The following ZNF804B variants were observed in gnomAD, a reference collection of about 807,000 sequenced individuals.
The protein encoded by ZNF804B is zinc finger 804B.
A neutral mutation model predicts 101.4 loss-of-function variants in ZNF804B; 80 were observed. The ratio of observed to expected loss-of-function variants is 0.79; its 90% confidence interval spans 0.66 to 0.95. The LOEUF is 0.95. ZNF804B is among the 40% of genes least tolerant of loss of function. The pLI is 0.00. For missense variants in ZNF804B, 1,673 were observed against 1,561.9 expected (o/e 1.07, Z -1.20); for synonymous variants, 622 against 558.8 (o/e 1.11, Z -1.59).
chr7:89,293,168 A>G (rs1437002131), intron 2 of ZNF804B, among the ~76,000 whole-genome samples: 1 of 151,926 alleles, frequency 6.6e-6, no homozygotes, highest in Non-Finnish European at 1.5e-5. Context: ...TATTCATTCT[A>G]CAGTTACCCA....
At chr7:89,046,746 T>A (rs1789114095) in intron 1 of ZNF804B, among the ~76,000 whole-genome samples, 1 of 152,172 alleles carries the variant, frequency 6.6e-6, no homozygotes, top group Admixed American at 6.5e-5. Flanking sequence ...GTTACTCATA[T>A]AGTTTCTGGT....
In ZNF804B at chr7:88,952,512, G is replaced by A. The variant is rs1158981042; in HGVS notation, c.108+192428G>A. On this transcript the variant is annotated intron_variant, in intron 1 of 3. Coordinates refer to ENST00000333190, the MANE Select transcript of ZNF804B (RefSeq NM_181646.5). ...TCTTATCTGTTAAAATATCTTTTAT[G>A]TTTTAGTACTTTGATATAGCTGATT... Among the ~76,000 whole-genome samples the A allele has an allele frequency of 2.0e-5, 3 of 151,718 alleles. No individual in the cohort carries two copies. The East Asian group carries it at 5.9e-4, about 30-fold the overall frequency.
At position 88,796,219 on chromosome 7, in the gene ZNF804B, C is replaced by T. The variant is rs565898045; in HGVS notation, c.108+36135C>T. On this transcript the variant is annotated intron_variant, in intron 1 of 3. Coordinates refer to ENST00000333190, the MANE Select transcript of ZNF804B (RefSeq NM_181646.5). ...GTAATTTTAAAACAAGTTTAAAAAACGTTTATTCAATTTTTAACAATGAAA... is the reference window on the plus strand; with the variant it reads ...GTAATTTTAAAACAAGTTTAAAAAATGTTTATTCAATTTTTAACAATGAAA... Among the ~76,000 whole-genome samples the T allele has an allele frequency of 1.4e-4, 22 of 152,056 alleles. No individual in the cohort carries two copies. In the East Asian group the frequency reaches 1.9e-3, roughly 13 times the overall value.
chr7:89,257,231 TGG>T (rs1789645613), intron 2 of ZNF804B, among the ~76,000 whole-genome samples: 1 of 152,180 alleles, frequency 6.6e-6, no homozygotes, highest in Non-Finnish European at 1.5e-5. Context: ...GACTAAATAC[TGG>T]AGTCAATTTC....
At chr7:89,000,626 A>G (rs933189047) in intron 1 of ZNF804B, among the ~76,000 whole-genome samples, 1 of 151,674 alleles carries the variant, frequency 6.6e-6, no homozygotes, top group African/African-American at 2.4e-5. Context: ...CTCTTTGACC[A>G]TCTCCCTTTT....
chr7:89,059,066 C>G (rs996011526), intron 1 of ZNF804B, among the ~76,000 whole-genome samples: 3 of 152,166 alleles, frequency 2.0e-5, no homozygotes, highest in African/African-American at 7.2e-5. Context: ...TGTATTGAGA[C>G]TGTACTCATG....
chr7:89,165,487 T>G (rs1791128606), intron 1 of ZNF804B, among the ~76,000 whole-genome samples: 1 of 152,068 alleles, frequency 6.6e-6, no homozygotes. Flanking sequence ...ATGAGAAAGC[T>G]TTTTTGGCAC....
intron 1 of ZNF804B, among the ~76,000 whole-genome samples, chr7:88,953,413 TG>T (rs1933749874): frequency 6.6e-6 from 1 of 151,806 alleles, no homozygotes; most frequent in African/African-American, 2.4e-5. Flanking sequence ...CCTATCTTTT[TG>T]TTTGACCCCA....
intron 1 of ZNF804B, among the ~76,000 whole-genome samples, chr7:88,840,652 G>A (rs1250871137): frequency 6.6e-6 from 1 of 151,964 alleles, no homozygotes; most frequent in African/African-American, 2.4e-5. Flanking sequence ...TAACTTTTCC[G>A]GGATAGTTTT....
intron 1 of ZNF804B, among the ~76,000 whole-genome samples, chr7:89,091,419 C>T (rs2116325936): frequency 6.6e-6 from 1 of 151,938 alleles, no homozygotes; most frequent in South Asian, 2.1e-4. Context: ...TTAGATTTGC[C>T]TCAATTTCTT....
At chr7:89,152,649 G>A (rs896266789) in intron 1 of ZNF804B, among the ~76,000 whole-genome samples, 7 of 151,800 alleles carry the variant, frequency 4.6e-5, no homozygotes, top group Non-Finnish European at 7.4e-5. Flanking sequence ...AATCATACAT[G>A]GTTTTATCAG....
At position 89,335,254 on chromosome 7, in the gene ZNF804B, C is replaced by G. The variant is rs763870200; in HGVS notation, c.2272C>G (p.Leu758Val). The G allele has an allele frequency of 3.7e-6, 6 of 1,613,736 alleles. No homozygotes were observed. In the South Asian group the frequency reaches 5.5e-5, roughly 15 times the overall value. ...AGTTGAAAGGCACAAACGGAAATGT[C>G]TAAAGCACAACTGCTTCTACTTGTC... ...HSVERHKRKCLKHNCFYLSDD... is the reference protein window; with the variant it reads ...HSVERHKRKCVKHNCFYLSDD... The change falls in exon 4 of 4, where the codon CTA (leucine) becomes GTA (valine). Residue 758 changes from leucine to valine, a missense_variant. By Grantham distance (32) the Leu-to-Val change is conservative. Transcript: ENST00000333190.
At chr7:88,945,547 T>C (rs1350549371) in intron 1 of ZNF804B, among the ~76,000 whole-genome samples, 1 of 152,058 alleles carries the variant, frequency 6.6e-6, no homozygotes, top group Non-Finnish European at 1.5e-5. Flanking sequence ...TTGTTCTTTT[T>C]GCTGAGGATT....
rs185944190 is a variant in ZNF804B, at chr7:88,933,639, C to T, written c.108+173555C>T. Reference sequence around the variant, plus strand: ...AATCAGTAGCACTGCTTTACACCAACAGTGACCAAGCTGAGTATCAAATCA... The same window carrying T: ...AATCAGTAGCACTGCTTTACACCAATAGTGACCAAGCTGAGTATCAAATCA... On this transcript the variant is annotated intron_variant, in intron 1 of 3. Coordinates refer to ENST00000333190, the MANE Select transcript of ZNF804B (RefSeq NM_181646.5). 4.6e-5 allele frequency among the ~76,000 whole-genome samples: 7 copies of T among 152,052 alleles called. No individual in the cohort carries two copies. In the East Asian group the frequency reaches 1.4e-3, roughly 29 times the overall value.
intron 2 of ZNF804B, among the ~76,000 whole-genome samples, chr7:89,221,506 TG>T (rs1197177379): frequency 9.9e-5 from 15 of 151,956 alleles, no homozygotes; most frequent in Admixed American, 4.6e-4. Context: ...TCGAAGAGCA[TG>T]AGGCATCTTT....
At chr7:89,193,315 T>A (rs979915018) in intron 1 of ZNF804B, among the ~76,000 whole-genome samples, 25 of 151,758 alleles carry the variant, frequency 1.6e-4, no homozygotes, top group Non-Finnish European at 3.1e-4. Context: ...TATTTTTTTT[T>A]ATTCGTATTA....
At chr7:89,106,421 C>T (rs536192318) in intron 1 of ZNF804B, among the ~76,000 whole-genome samples, 1 of 152,054 alleles carries the variant, frequency 6.6e-6, no homozygotes, top group South Asian at 2.1e-4. Context: ...GTGCTAGATC[C>T]TCTGTGTTTT....
intron 2 of ZNF804B, among the ~76,000 whole-genome samples, chr7:89,265,698 A>G (rs1393564903): frequency 2.6e-5 from 4 of 152,244 alleles, no homozygotes; most frequent in Non-Finnish European, 4.4e-5. Context: ...CAATTATTCA[A>G]AAAAATAGAA....
At chr7:89,083,792 T>C (rs538374645) in intron 1 of ZNF804B, among the ~76,000 whole-genome samples, 21 of 151,834 alleles carry the variant, frequency 1.4e-4, no homozygotes, top group African/African-American at 5.1e-4. Context: ...TGAAAAAGAG[T>C]GTATTTCTTC....
Sources: allele counts gnomAD v4.1 joint callset (sites outside exome capture counted in the v4.1 genomes callset), GRCh38; gene constraint gnomAD v4.1.1; transcripts MANE v1.5; gene names NCBI Gene and HGNC (gene_info 2026-07-23, HGNC 2026-07-21).